Variants in MBD5 observed in about 807,000 individuals in gnomAD.
The protein encoded by MBD5 is methyl-CpG-binding domain protein 5.
In MBD5, 13 loss-of-function variants were observed where a neutral mutation model predicts 117.3. The observed-to-expected ratio is 0.11, with a 90% CI of 0.07 to 0.18. MBD5 has a LOEUF of 0.18. MBD5 is among the 10% of genes least tolerant of loss of function. The probability of loss-of-function intolerance (pLI) is 1.00; values close to 1 mark genes in which losing one functional copy is unlikely to be tolerated. For synonymous variants in MBD5, 727 were observed against 766.4 expected (o/e 0.95, Z 0.85); for missense variants, 1,879 against 2,093.8 (o/e 0.90, Z 2.00).
intron 3 of MBD5, among the ~76,000 whole-genome samples, chr2:148,327,914 G>C (rs997014298): frequency 6.6e-6 from 1 of 152,088 alleles, no homozygotes; most frequent in East Asian, 1.9e-4. Context: ...GAGGAGAGGC[G>C]CTCTGCTTTT....
chr2:148,176,638 A>T (rs1179957120), intron 1 of MBD5, among the ~76,000 whole-genome samples: 1 of 151,966 alleles, frequency 6.6e-6, no homozygotes, highest in East Asian at 1.9e-4. Flanking sequence ...CGAACTCCTG[A>T]CCTCAGGTGA....
chr2:148,473,127 G>T (rs1680848959), intron 8 of MBD5, among the ~76,000 whole-genome samples: 1 of 152,086 alleles, frequency 6.6e-6, no homozygotes, highest in African/African-American at 2.4e-5. Flanking sequence ...CATGTTAAAA[G>T]CCACATTTGT....
intron 1 of MBD5, among the ~76,000 whole-genome samples, chr2:148,177,168 A>C (rs1386649313): frequency 6.6e-6 from 1 of 152,232 alleles, no homozygotes; most frequent in Admixed American, 6.5e-5. Flanking sequence ...TTTAAAGATT[A>C]GAAATATAAT....
intron 1 of MBD5, among the ~76,000 whole-genome samples, chr2:148,107,892 A>G (rs57649486): frequency 0.011 from 1,640 of 152,186 alleles, 36 homozygotes; most frequent in African/African-American, 0.037. Context: ...ACATGTGAAG[A>G]GAATGTTTCT....
chr2:148,178,014 C>T (rs1404652569), intron 1 of MBD5, among the ~76,000 whole-genome samples: 2 of 152,150 alleles, frequency 1.3e-5, no homozygotes, highest in East Asian at 1.9e-4. Context: ...ACAAAAAGTA[C>T]ATATTAAGTA....
At chr2:148,457,102 T>C (rs73021560) in intron 4 of MBD5, among the ~76,000 whole-genome samples, 6,937 of 152,286 alleles carry the variant, frequency 0.046, 544 homozygotes, top group African/African-American at 0.16. Context: ...TCTTCACTTA[T>C]GTGTTTTAAA....
At chr2:148,050,053 T>A (rs1334987006) in intron 1 of MBD5, among the ~76,000 whole-genome samples, 1 of 152,198 alleles carries the variant, frequency 6.6e-6, no homozygotes, top group Non-Finnish European at 1.5e-5. Context: ...ACATATATTT[T>A]AACACATTCC....
chr2:148,334,490 G>A (rs1229969031), intron 3 of MBD5, among the ~76,000 whole-genome samples: 1 of 151,882 alleles, frequency 6.6e-6, no homozygotes. Context: ...GCGCCACTAA[G>A]CCTGACTCCT....
At chr2:148,307,838 G>A (rs1353502282) in intron 3 of MBD5, among the ~76,000 whole-genome samples, 1 of 151,934 alleles carries the variant, frequency 6.6e-6, no homozygotes, top group Non-Finnish European at 1.5e-5. Context: ...TCCCCTCCCT[G>A]TGACCATATG....
intron 4 of MBD5, among the ~76,000 whole-genome samples, chr2:148,400,079 C>A (rs1453168321): frequency 6.6e-6 from 1 of 151,990 alleles, no homozygotes; most frequent in African/African-American, 2.4e-5. Flanking sequence ...AGGATTTTTG[C>A]GTCGATGTTC....
chr2:148,380,695 G>A (rs567020850), intron 4 of MBD5, among the ~76,000 whole-genome samples: 9 of 152,098 alleles, frequency 5.9e-5, no homozygotes, highest in Admixed American at 3.9e-4. Flanking sequence ...CCTGACCCCC[G>A]AGTAGCCTAA....
chr2:148,180,693 G>A (rs939680804), intron 2 of MBD5, among the ~76,000 whole-genome samples: 2 of 151,910 alleles, frequency 1.3e-5, no homozygotes, highest in African/African-American at 4.8e-5. Context: ...ACCTCGCCCG[G>A]CATCTTTTTT....
chr2:148,168,389 C>T (rs753082554), intron 1 of MBD5, among the ~76,000 whole-genome samples: 5 of 152,076 alleles, frequency 3.3e-5, no homozygotes, highest in Non-Finnish European at 7.3e-5. Flanking sequence ...TAATTTCTGG[C>T]ATTCTGGAAA....
chr2:148,225,777 C>T (rs1244965720), intron 2 of MBD5, among the ~76,000 whole-genome samples: 1 of 151,936 alleles, frequency 6.6e-6, no homozygotes, highest in African/African-American at 2.4e-5. Context: ...TATGTCATGC[C>T]ATTCTCTCTT....
chr2:148,308,846 G>T (rs1292591472), intron 3 of MBD5, among the ~76,000 whole-genome samples: 2 of 152,016 alleles, frequency 1.3e-5, no homozygotes, highest in African/African-American at 4.8e-5. Flanking sequence ...TGTAAGGAAG[G>T]GGTCCAGTTT....
intron 4 of MBD5, among the ~76,000 whole-genome samples, chr2:148,427,805 T>C (rs1385563162): frequency 7.1e-6 from 1 of 140,086 alleles, no homozygotes; most frequent in African/African-American, 2.6e-5. Context: ...TAAAAAAGAA[T>C]AAAAAAATGA....
chr2:148,389,071 C>A (rs1473865731), intron 4 of MBD5, among the ~76,000 whole-genome samples: 1 of 150,260 alleles, frequency 6.7e-6, no homozygotes, highest in Non-Finnish European at 1.5e-5. Flanking sequence ...TGTGAACATG[C>A]AATATTTAAT....
intron 2 of MBD5, among the ~76,000 whole-genome samples, chr2:148,203,764 A>G (rs1041669448): frequency 1.0e-4 from 15 of 148,978 alleles, no homozygotes; most frequent in African/African-American, 3.0e-4. Flanking sequence ...TCTGCTGACA[A>G]CTCATCTCAC....
intron 4 of MBD5, among the ~76,000 whole-genome samples, chr2:148,366,804 A>G (rs1292675621): frequency 6.6e-6 from 1 of 152,194 alleles, no homozygotes; most frequent in Non-Finnish European, 1.5e-5. Flanking sequence ...AGAACTACAG[A>G]CCACTGCTGA....
Sources: gnomAD v4.1 joint callset for allele counts (sites outside exome capture counted in the v4.1 genomes callset) on GRCh38, gnomAD v4.1.1 for gene constraint, MANE v1.5 for transcripts, NCBI Gene and HGNC (gene_info 2026-07-23, HGNC 2026-07-21) for gene names.